Variants in AATK observed in about 807,000 individuals in gnomAD.
AATK encodes serine/threonine-protein kinase LMTK1.
Under a neutral mutation model 114.3 loss-of-function variants are expected in AATK, and 91 were observed. The observed-to-expected ratio is 0.80, with a 90% confidence interval of 0.67 to 0.95. The LOEUF (loss-of-function observed/expected upper bound fraction) is 0.95. AATK is among the 40% of genes least tolerant of loss of function. AATK has a pLI of 0.00. For synonymous variants in AATK, 1,075 were observed against 916.5 expected (o/e 1.17, Z -3.12); for missense variants, 2,176 against 1,965.2 (o/e 1.11, Z -2.03).
At chr17:81,164,182 C>T (rs939897506) in intron 1 of AATK, among the ~76,000 whole-genome samples, 3 of 152,216 alleles carry the variant, frequency 2.0e-5, no homozygotes, top group African/African-American at 7.2e-5. Flanking sequence ...ATGGGAAAAC[C>T]GAGGTTCACA....
At chr17:81,165,546 G>T (rs1256815051) in intron 1 of AATK, 8 of 981,354 alleles carry the variant, frequency 8.2e-6, no homozygotes, top group Non-Finnish European at 1.1e-5. Flanking sequence ...CCACGCCAGG[G>T]CCCCGGACCC....
At chr17:81,138,559 C>G (rs568782457) in intron 1 of AATK, among the ~76,000 whole-genome samples, 2 of 148,612 alleles carry the variant, frequency 1.3e-5, no homozygotes, top group African/African-American at 2.4e-5. Flanking sequence ...CACACGTGCA[C>G]ACATACCCCC....
chr17:81,121,179 G>A lies in AATK; in HGVS notation c.2757C>T (p.Val919=), dbSNP rs1288260542. ...PSSASDGGYE[V]FSPSATGPSG... ...AGGGGCCAGTGGCCGACGGGCTGAA[G>A]ACCTCATAGCCACCATCACTGGCTG... Residue 919 remains valine, a synonymous_variant, in exon 11 of 14, where the codon GTC becomes GTT. Transcript: ENST00000326724. 6.2e-7 allele frequency: 1 copy of A among 1,602,914 alleles called. No homozygotes were observed. Among genetic ancestry groups the A allele is most frequent in the Admixed American group, 1.7e-5 (1 of 58,928 alleles).
At chr17:81,140,709 G>T in intron 1 of AATK, among the ~76,000 whole-genome samples, 3 of 89,772 alleles carry the variant, frequency 3.3e-5, no homozygotes, top group African/African-American at 4.7e-5. Context: ...CTGTGGGGCG[G>T]TGAGACCGTG....
In AATK at chr17:81,122,730, G is replaced by A. The variant is rs773490598; in HGVS notation, c.1206C>T (p.Gly402=). 27 of 1,594,742 alleles carry A rather than the reference G, an allele frequency of 1.7e-5. No individual in the cohort carries two copies. The South Asian group carries it at 2.7e-4, about 16-fold the overall frequency. ...HLLLSYLCAK[G]ATEAEEEFER... ...CAAACTCCTCCTCTGCTTCGGTGGC[G>A]CCCTTGGCACACAGGTAGGACAGCA... Residue 402 remains glycine, a synonymous_variant, in exon 11 of 14, where the codon GGC becomes GGT. Transcript: ENST00000326724.
intron 1 of AATK, among the ~76,000 whole-genome samples, chr17:81,159,439 C>T (rs2061404814): frequency 6.6e-6 from 1 of 152,108 alleles, no homozygotes; most frequent in Non-Finnish European, 1.5e-5. Flanking sequence ...GGGGAAGCCC[C>T]GGACCCGCAC....
intron 1 of AATK, among the ~76,000 whole-genome samples, chr17:81,142,503 TTCAA>T (rs2061153702): frequency 6.6e-6 from 1 of 152,062 alleles, no homozygotes. Flanking sequence ...AACTCCTGGG[TTCAA>T]TCAATCCTCC....
rs2060868211 is a variant in AATK at position 81,127,848 on chromosome 17, C to T, written c.477G>A (p.Gln159=). The T allele has an allele frequency of 1.3e-6, 2 of 1,547,390 alleles. No individual in the cohort carries two copies. Among genetic ancestry groups the T allele is most frequent in the Non-Finnish European group, 1.7e-6 (2 of 1,145,358 alleles). ...TCTGCTCCTGCACGCTGGCACTAGC[C>T]TGCAGCTCCTTCACCACCACCTGGG... The part of the protein sequence containing the change: ...SSAQVVVKEL[Q]ASASVQEQMQ... The change falls in exon 5 of 14, where the codon CAG becomes CAA. Residue 159 remains glutamine, a synonymous_variant. Transcript: ENST00000326724.
chr17:81,142,119 C>T (rs573374973), intron 1 of AATK, among the ~76,000 whole-genome samples: 83 of 151,992 alleles, frequency 5.5e-4, no homozygotes, highest in African/African-American at 1.8e-3. Flanking sequence ...CCATCACCCT[C>T]GGCTAATTTT....
Position 81,121,347 on chromosome 17 carries a change from C to T in AATK, c.2589G>A (p.Thr863=), listed in dbSNP as rs548382568. The T allele has an allele frequency of 1.1e-5, 18 of 1,612,048 alleles. No homozygotes were observed. Among genetic ancestry groups the T allele is most frequent in the South Asian group, 8.8e-5 (8 of 90,924 alleles). The part of the protein sequence containing the change: ...VEAPSSEDED[T]AEATSGIFTD... ...TGAAGATGCCTGAGGTGGCCTCGGC[C>T]GTGTCCTCATCCTCACTGCTGGGTG... Residue 863 remains threonine, a synonymous_variant, in exon 11 of 14, where the codon ACG becomes ACA. Transcript: ENST00000326724.
rs574336137 is a variant in AATK at position 81,119,075 on chromosome 17, G to A, written c.4084+305C>T. 9.8e-4 allele frequency among the ~76,000 whole-genome samples: 150 copies of A among 152,342 alleles called. 1 individual carries two copies. The highest frequency in any genetic ancestry group is 3.3e-3 in the African/African-American group (138 of 41,582). ...TGGCTGGGAAGGTTCCGGTGAGAGG[G>A]CCTGCCGCAGGTCTGCGGGGTAGGG... is the stretch of plus-strand genomic sequence containing the variant. On this transcript the variant is annotated intron_variant, in intron 13 of 13. Transcript: ENST00000326724.
intron 1 of AATK, among the ~76,000 whole-genome samples, chr17:81,152,010 C>T (rs2061305424): frequency 6.6e-6 from 1 of 152,236 alleles, no homozygotes; most frequent in Admixed American, 6.5e-5. Context: ...CACAGTGGCT[C>T]CCGCCTGTCA....
chr17:81,128,429 C>G (rs1224289119), intron 4 of AATK, 41 bp downstream of exon 4: 2 of 1,547,006 alleles, frequency 1.3e-6, no homozygotes, highest in Non-Finnish European at 1.7e-6. Flanking sequence ...GTCCCTTCTG[C>G]CTCCCAGGCG....
At position 81,124,862 on chromosome 17, in the gene AATK, G is replaced by T; in HGVS notation, c.841-14C>A. 1 of 1,599,832 alleles carries T rather than the reference G, an allele frequency of 6.3e-7. No homozygotes were observed. The highest frequency in any genetic ancestry group is 1.3e-5 in the African/African-American group (1 of 74,808). ...GAAGTAGTCCTCCTGTTGGCACAGGGACGGGTCACCCCTGCCGGCGCAGGC... is the reference window on the plus strand; with the variant it reads ...GAAGTAGTCCTCCTGTTGGCACAGGTACGGGTCACCCCTGCCGGCGCAGGC... On this transcript the variant is annotated splice_polypyrimidine_tract_variant and intron_variant, in intron 8 of 13. Coordinates refer to ENST00000326724, the MANE Select transcript of AATK (RefSeq NM_001080395.3).
intron 9 of AATK, among the ~76,000 whole-genome samples, chr17:81,124,002 G>C (rs937749742): frequency 7.9e-5 from 12 of 152,204 alleles, no homozygotes; most frequent in African/African-American, 2.9e-4. Flanking sequence ...TGGGTGGGCA[G>C]GCCAGGAAGG....
rs752207629 is a variant in AATK, at chr17:81,121,999, G to T, written c.1937C>A (p.Ser646Tyr). ...PAFFEDPLGT[S>Y]PLGSSGAPPL... ...GGGCGCCCCTGAGCTCCCCAAAGGG[G>T]ACGTGCCCAGTGGGTCCTCGAAGAA... Residue 646 changes from serine to tyrosine, a missense_variant, in exon 11 of 14, where the codon TCC (serine) becomes TAC (tyrosine). Physicochemically the swap from Ser to Tyr is moderately radical, Grantham distance 144 (BLOSUM62 -2). Coordinates refer to ENST00000326724, the MANE Select transcript of AATK (RefSeq NM_001080395.3). 2 of 1,601,892 alleles carry T rather than the reference G, an allele frequency of 1.2e-6. No individual in the cohort carries two copies. The highest frequency in any genetic ancestry group is 2.2e-5 in the East Asian group (1 of 44,842).
chr17:81,133,236 C>A, intron 2 of AATK: 1 of 492,528 alleles, frequency 2.0e-6, no homozygotes. Context: ...GTTGAATGGG[C>A]TGGAAAATGT....
chr17:81,149,887 C>A (rs887363496), intron 1 of AATK, among the ~76,000 whole-genome samples: 16 of 152,196 alleles, frequency 1.1e-4, no homozygotes, highest in African/African-American at 2.7e-4. Context: ...GGGGCATGTC[C>A]CTCTGGTCCG....
rs2060706952 is a variant in AATK at position 81,122,085 on chromosome 17, CAG to C, written c.1849_1850del (p.Leu617GlufsTer46). On this transcript the variant is annotated frameshift_variant, in exon 11 of 14. Coordinates refer to ENST00000326724, the MANE Select transcript of AATK (RefSeq NM_001080395.3). LOFTEE classifies it high-confidence loss of function. ...SRSPSPSAGP[L>X]SLAEGGAEDA... ...CCTCCGCTCCTCCCTCCGCCAGACTCAGGGGCCCCGCCGAGGGCGAGGGAGAG... is the reference window on the plus strand; with the variant it reads ...CCTCCGCTCCTCCCTCCGCCAGACTCGGGCCCCGCCGAGGGCGAGGGAGAG... 2 of 1,579,532 alleles carry C rather than the reference CAG, an allele frequency of 1.3e-6. No individual in the cohort carries two copies. The highest frequency in any genetic ancestry group is 1.7e-5 in the Admixed American group (1 of 57,628).
Sources: allele counts gnomAD v4.1 joint callset (sites outside exome capture counted in the v4.1 genomes callset), GRCh38; gene constraint gnomAD v4.1.1; transcripts MANE v1.5; gene names NCBI Gene and HGNC (gene_info 2026-07-23, HGNC 2026-07-21).